The following COL5A2 variants were observed in gnomAD, a reference collection of about 807,000 sequenced individuals.
The protein encoded by COL5A2 is collagen alpha-2(V) chain.
COL5A2 carries 23 observed loss-of-function variants against 208.2 expected under a neutral mutation model. The observed-to-expected ratio is 0.11, with a 90% confidence interval of 0.08 to 0.16. The LOEUF is 0.16. COL5A2 is among the 10% of genes least tolerant of loss of function. The probability of loss-of-function intolerance (pLI) is 1.00; values close to 1 mark genes in which losing one functional copy is unlikely to be tolerated. For synonymous variants in COL5A2, 625 were observed against 628.5 expected (o/e 0.99, Z 0.08); for missense variants, 1,590 against 1,956.4 (o/e 0.81, Z 3.53).
intron 44 of COL5A2, among the ~76,000 whole-genome samples, chr2:189,048,790 T>C (rs573422119): frequency 3.2e-4 from 49 of 152,308 alleles, no homozygotes; most frequent in African/African-American, 1.1e-3. Flanking sequence ...ATTAACTGTT[T>C]GATGATTCAC....
At chr2:189,087,137 T>C (rs1410371536) in intron 8 of COL5A2, among the ~76,000 whole-genome samples, 1 of 152,130 alleles carries the variant, frequency 6.6e-6, no homozygotes, top group African/African-American at 2.4e-5. Context: ...TCCTATTTAA[T>C]TCTTCAGATT....
At chr2:189,439,323 G>A in the COL5A2 span, among the ~76,000 whole-genome samples, 1 of 152,150 alleles carries the variant, frequency 6.6e-6, no homozygotes, top group African/African-American at 2.4e-5. Context: ...GCATATACTA[G>A]GCACTTAGTA....
At chr2:189,432,800 G>A in the COL5A2 span, among the ~76,000 whole-genome samples, 1 of 152,140 alleles carries the variant, frequency 6.6e-6, no homozygotes, top group Non-Finnish European at 1.5e-5. Context: ...AGGATATTCA[G>A]GAATTGAACT....
At chr2:189,103,666 C>T (rs1687093953) in intron 3 of COL5A2, among the ~76,000 whole-genome samples, 1 of 152,042 alleles carries the variant, frequency 6.6e-6, no homozygotes, top group Admixed American at 6.6e-5. Flanking sequence ...GTCATGGATG[C>T]AGCCTACCCT....
At chr2:189,135,163 T>A (rs991888306) in intron 1 of COL5A2, among the ~76,000 whole-genome samples, 1 of 152,222 alleles carries the variant, frequency 6.6e-6, no homozygotes. Context: ...AAAAAATGAC[T>A]GGCTTAATTT....
the COL5A2 span, among the ~76,000 whole-genome samples, chr2:189,403,789 C>A: frequency 6.6e-6 from 1 of 152,308 alleles, no homozygotes; most frequent in African/African-American, 2.4e-5. Flanking sequence ...GGTGGATAAG[C>A]TTTCTGATGT....
Position 189,102,925 on chromosome 2 carries a change from T to G in COL5A2, c.336+1339A>C, listed in dbSNP as rs185467950. ...GGCACATAACCACAGTCTGCTACAT[T>G]GGCAGCTGCTTTGAGTATATTCTTC... On this transcript the variant is annotated intron_variant, in intron 3 of 53. Coordinates refer to ENST00000374866, the MANE Select transcript of COL5A2 (RefSeq NM_000393.5). Among the ~76,000 whole-genome samples, 11 of 152,240 alleles carry G rather than the reference T, an allele frequency of 7.2e-5. No homozygotes were observed. The South Asian group carries it at 1.4e-3, about 20-fold the overall frequency.
At chr2:189,106,327 T>C (rs1292068082) in intron 2 of COL5A2, among the ~76,000 whole-genome samples, 1 of 151,404 alleles carries the variant, frequency 6.6e-6, no homozygotes, top group Admixed American at 6.6e-5. Context: ...CTCATACATT[T>C]TGTGTTAAGT....
At chr2:189,404,094 T>A in the COL5A2 span, among the ~76,000 whole-genome samples, 1 of 152,328 alleles carries the variant, frequency 6.6e-6, no homozygotes, top group Admixed American at 6.5e-5. Context: ...CTCTCTTTTG[T>A]CATTTAAATG....
At chr2:189,380,397 T>C in the COL5A2 span, among the ~76,000 whole-genome samples, 1 of 151,858 alleles carries the variant, frequency 6.6e-6, no homozygotes, top group Admixed American at 6.6e-5. Context: ...GAAAAAGTTA[T>C]AAAAATGTAA....
chr2:189,371,229 C>T, the COL5A2 span, among the ~76,000 whole-genome samples: 1 of 152,192 alleles, frequency 6.6e-6, no homozygotes, highest in Non-Finnish European at 1.5e-5. Context: ...GCCTACAGAA[C>T]TGTCAGCCAA....
chr2:189,411,221 C>T, the COL5A2 span, among the ~76,000 whole-genome samples: 1 of 152,080 alleles, frequency 6.6e-6, no homozygotes, highest in African/African-American at 2.4e-5. Context: ...TCTTTATTTT[C>T]TCAGAAATAT....
chr2:189,255,861 A>C, the COL5A2 span, among the ~76,000 whole-genome samples: 1 of 152,228 alleles, frequency 6.6e-6, no homozygotes, highest in Non-Finnish European at 1.5e-5. Flanking sequence ...TCATAAAGGA[A>C]GTAGCACATG....
intron 1 of COL5A2, among the ~76,000 whole-genome samples, chr2:189,170,185 G>T (rs1278087556): frequency 6.6e-6 from 1 of 151,984 alleles, no homozygotes; most frequent in Non-Finnish European, 1.5e-5. Flanking sequence ...GTAACACAGA[G>T]AAATAAAAAA....
In COL5A2 at chr2:189,040,335, C is replaced by CTTTTTTTT. The variant is rs34847104; in HGVS notation, c.3634-780_3634-773dup. ...TGACATAAATAAAGAGCCCTCCTGCCTTTTTTTTTTTTTTTTGCCAAATAA... is the reference window on the plus strand; with the variant it reads ...TGACATAAATAAAGAGCCCTCCTGCCTTTTTTTTTTTTTTTTTTTTTTTTGCCAAATAA... On this transcript the variant is annotated intron_variant, in intron 50 of 53. Transcript: ENST00000374866. Among the ~76,000 whole-genome samples, 2 of 138,268 alleles carry CTTTTTTTT rather than the reference C, an allele frequency of 1.4e-5. 1 individual carries two copies. 90.7% of individuals were successfully genotyped at this position (138,268 alleles called of 152,430 possible).
At chr2:189,100,037 TA>T in intron 4 of COL5A2, 69 bp downstream of exon 4, 1 of 1,303,542 alleles carries the variant, frequency 7.7e-7, no homozygotes, top group Non-Finnish European at 1.1e-6. Context: ...ACATAAGCAA[TA>T]ATATACAATT....
chr2:189,049,559 T>C, intron 43 of COL5A2, 105 bp from the exon 44 acceptor site: 1 of 846,400 alleles, frequency 1.2e-6, no homozygotes. Flanking sequence ...CCTTCTATAA[T>C]AATAATTTTG....
At chr2:189,321,428 C>G in the COL5A2 span, among the ~76,000 whole-genome samples, 1 of 152,052 alleles carries the variant, frequency 6.6e-6, no homozygotes, top group African/African-American at 2.4e-5. Context: ...ACCCATCTCA[C>G]GTGCAGAGAC....
the COL5A2 span, among the ~76,000 whole-genome samples, chr2:189,336,660 T>G: frequency 6.6e-6 from 1 of 152,260 alleles, no homozygotes; most frequent in African/African-American, 2.4e-5. Context: ...GTCCAAGACA[T>G]GCAAAACTAA....
Sources: allele counts gnomAD v4.1 joint callset (sites outside exome capture counted in the v4.1 genomes callset), GRCh38; gene constraint gnomAD v4.1.1; transcripts MANE v1.5; gene names NCBI Gene and HGNC (gene_info 2026-07-23, HGNC 2026-07-21).